SAAL1: variants seen among roughly 807,000 people sequenced by gnomAD.
SAAL1 encodes protein SAAL1.
Under a neutral mutation model 59.8 loss-of-function variants are expected in SAAL1, and 42 were observed. The observed-to-expected ratio is 0.70, with a 90% CI of 0.55 to 0.91. The LOEUF (loss-of-function observed/expected upper bound fraction) is 0.91, where lower values mean the gene tolerates loss of function less well. Ranked by LOEUF, SAAL1 falls within the 40% of genes least tolerant of loss-of-function variation. The pLI is 0.00. For synonymous variants in SAAL1, 191 were observed against 194.3 expected, an observed-to-expected ratio of 0.98 and a Z score of 0.14; for missense variants, 542 against 561.1, an observed-to-expected ratio of 0.97 and a Z score of 0.34.
intron 7 of SAAL1, among the ~76,000 whole-genome samples, chr11:18,087,761 A>G (rs7127331): frequency 0.024 from 3,649 of 152,318 alleles, 134 homozygotes; most frequent in African/African-American, 0.083. Context: ...TTCTTCAACC[A>G]AACAAGTGAA....
At chr11:18,091,321 G>A (rs916200549) in intron 4 of SAAL1, among the ~76,000 whole-genome samples, 1 of 152,110 alleles carries the variant, frequency 6.6e-6, no homozygotes, top group African/African-American at 2.4e-5. Flanking sequence ...ATTAAGACAA[G>A]CATTTAACTG....
chr11:18,105,512 A>T (rs1848679696), intron 1 of SAAL1, among the ~76,000 whole-genome samples: 1 of 152,036 alleles, frequency 6.6e-6, no homozygotes, highest in Non-Finnish European at 1.5e-5. Context: ...ATAACCCTAA[A>T]GTCACCATTT....
intron 2 of SAAL1, among the ~76,000 whole-genome samples, chr11:18,102,097 G>A (rs1401312334): frequency 2.0e-5 from 3 of 152,104 alleles, no homozygotes; most frequent in East Asian, 1.9e-4. Context: ...CTTAATCTGC[G>A]TACACATCCG....
chr11:18,095,331 T>C (rs566140566), intron 3 of SAAL1, among the ~76,000 whole-genome samples: 93 of 152,278 alleles, frequency 6.1e-4, no homozygotes, highest in African/African-American at 2.2e-3. Flanking sequence ...AAACTCAGTA[T>C]AAAAATAGCA....
At chr11:18,103,603 A>G (rs999134524) in intron 1 of SAAL1, among the ~76,000 whole-genome samples, 2 of 152,098 alleles carry the variant, frequency 1.3e-5, no homozygotes, top group East Asian at 3.9e-4. Flanking sequence ...AATGGTCCCA[A>G]TCTGAGTGAG....
chr11:18,089,424 C>T lies in SAAL1; in HGVS notation c.676G>A (p.Ala226Thr), dbSNP rs748394306. The change falls in exon 7 of 12, where the codon GCT becomes ACT. Residue 226 changes from alanine (A) to threonine (T), a missense_variant. By Grantham distance (58) the Ala-to-Thr change is moderately conservative. Coordinates refer to ENST00000524803, the MANE Select transcript of SAAL1 (RefSeq NM_138421.3). ...TGGGGTTGGTCCAGAGGCTGAGCAG[C>T]CCCATTTCTGACCCATTCTAACATT... ...KLMLEWVRNG[A>T]AQPLDQPQEE... 8.1e-6 allele frequency: 13 copies of T among 1,612,514 alleles called. No homozygotes were observed. The highest frequency in any genetic ancestry group is 1.1e-5 in the South Asian group (1 of 90,672).
At chr11:18,086,689 A>G (rs1407602610) in intron 9 of SAAL1, among the ~76,000 whole-genome samples, 177 bp downstream of exon 9, 4 of 152,240 alleles carry the variant, frequency 2.6e-5, no homozygotes, top group African/African-American at 9.6e-5. Context: ...CAACACAGCA[A>G]GACTCTGTTT....
At chr11:18,097,224 G>A (rs573013215) in intron 2 of SAAL1, among the ~76,000 whole-genome samples, 36 of 151,616 alleles carry the variant, frequency 2.4e-4, no homozygotes, top group South Asian at 6.2e-4. Flanking sequence ...GTGACAGAGC[G>A]AGACTCTGTC....
At chr11:18,099,511 G>C (rs576049297) in intron 2 of SAAL1, among the ~76,000 whole-genome samples, 1 of 152,256 alleles carries the variant, frequency 6.6e-6, no homozygotes, top group Admixed American at 6.5e-5. Context: ...AAGAAAATAA[G>C]ATATGTGCTA....
chr11:18,081,527 G>A (rs753286039), intron 10 of SAAL1, 24 bp from the exon 11 acceptor site: 2 of 1,590,082 alleles, frequency 1.3e-6, no homozygotes, highest in South Asian at 1.1e-5. Context: ...AAGATTTAAT[G>A]TCAAAAAAGG....
At chr11:18,096,968 G>T in intron 2 of SAAL1, 114 bp from the exon 3 acceptor site, 1 of 647,134 alleles carries the variant, frequency 1.5e-6, no homozygotes, top group Non-Finnish European at 2.7e-6. Flanking sequence ...AGGCGCAGTG[G>T]CTGACACCTG....
At chr11:18,090,682 G>T in intron 4 of SAAL1, 189 bp from the exon 5 acceptor site, 1 of 567,202 alleles carries the variant, frequency 1.8e-6, no homozygotes. Context: ...ACAGAACAGA[G>T]CTGCATCTTT....
At chr11:18,097,828 AG>A (rs1303343520) in intron 2 of SAAL1, among the ~76,000 whole-genome samples, 1 of 134,418 alleles carries the variant, frequency 7.4e-6, no homozygotes, top group Non-Finnish European at 1.6e-5. Context: ...CAACACAGCG[AG>A]AAAAAAAGGA....
chr11:18,081,571 C>A (rs117804633), intron 10 of SAAL1, 68 bp from the exon 11 acceptor site: 7 of 1,170,608 alleles, frequency 6.0e-6, no homozygotes, highest in Non-Finnish European at 6.4e-6. Context: ...TGAATAAAAA[C>A]AAATCAGGAT....
chr11:18,105,851 A>T (rs758986901), intron 1 of SAAL1, 56 bp downstream of exon 1: 1 of 1,491,850 alleles, frequency 6.7e-7, no homozygotes, highest in Non-Finnish European at 8.9e-7. Context: ...CCAGAGGCGG[A>T]GCCCCGGTGC....
At chr11:18,093,773 C>G (rs1848546301) in intron 3 of SAAL1, 2 of 152,184 alleles carry the variant, frequency 1.3e-5, no homozygotes, top group African/African-American at 4.8e-5. Flanking sequence ...CTATTCCAAA[C>G]TGCACCTCAG....
In SAAL1 at chr11:18,089,491, C is replaced by A. The variant is rs143369700; in HGVS notation, c.609G>T (p.Val203=). 765 of 1,611,014 alleles carry A rather than the reference C, an allele frequency of 4.7e-4. 7 individuals are homozygous for A. The South Asian group carries it at 7.7e-3, about 16-fold the overall frequency. The change falls in exon 7 of 12, where the codon GTG becomes GTT. Residue 203 remains valine, a synonymous_variant. Transcript: ENST00000524803. The stretch of plus-strand genomic sequence containing the variant: ...CAAAGAGCTTGTCCACAACCTCCCC[C>A]ACCTTCACCAGCAAGTCAACTGCAG... ...SSTNVDLLVK[V]GEVVDKLFDL...
intron 2 of SAAL1, among the ~76,000 whole-genome samples, chr11:18,098,996 T>C (rs544649608): frequency 2.0e-5 from 3 of 152,214 alleles, no homozygotes; most frequent in Non-Finnish European, 4.4e-5. Context: ...CCCATTACAC[T>C]CATAAGCAAA....
At chr11:18,099,108 T>C (rs1233277307) in intron 2 of SAAL1, among the ~76,000 whole-genome samples, 4 of 152,198 alleles carry the variant, frequency 2.6e-5, no homozygotes, top group Non-Finnish European at 5.9e-5. Context: ...TATGGTCTTG[T>C]TTTTTAAAAG....
Sources: gnomAD v4.1 joint callset for allele counts (sites outside exome capture counted in the v4.1 genomes callset) on GRCh38, gnomAD v4.1.1 for gene constraint, MANE v1.5 for transcripts, NCBI Gene and HGNC (gene_info 2026-07-23, HGNC 2026-07-21) for gene names.